Variants in FBXW7 observed in about 807,000 individuals in gnomAD.
FBXW7 encodes F-box/WD repeat-containing protein 7.
In FBXW7, 11 loss-of-function variants were observed where a neutral mutation model predicts 86.3. The observed-to-expected ratio is 0.13, with a 90% CI of 0.08 to 0.21. FBXW7 has a LOEUF of 0.21. Ranked by LOEUF, FBXW7 falls within the 10% of genes least tolerant of loss-of-function variation. The pLI is 1.00. For synonymous variants in FBXW7, 313 were observed against 297.9 expected, an observed-to-expected ratio of 1.05 and a Z score of -0.52; for missense variants, 488 against 847.4, an observed-to-expected ratio of 0.58 and a Z score of 5.27.
chr4:152,445,856 G>C lies in FBXW7; in HGVS notation c.-119-33327C>G, dbSNP rs762185264. Among the ~76,000 whole-genome samples the C allele has an allele frequency of 7.0e-5, 10 of 142,876 alleles. No homozygotes were observed. In the South Asian group the frequency reaches 1.8e-3, roughly 26 times the overall value. The allele number at this position is 142,876 out of a possible 152,430, so 93.7% of individuals were successfully genotyped here. On this transcript the variant is annotated intron_variant, in intron 2 of 13. Coordinates refer to ENST00000281708, the MANE Select transcript of FBXW7 (RefSeq NM_001349798.2). Reference sequence around the variant, plus strand: ...ACCTAGGAGGCAGAGGTTGCAGTGAGCCAAGATCGCGCCACTGTACTCCAA... The same window carrying C: ...ACCTAGGAGGCAGAGGTTGCAGTGACCCAAGATCGCGCCACTGTACTCCAA...
At chr4:152,416,200 G>T (rs1461528554) in intron 2 of FBXW7, among the ~76,000 whole-genome samples, 1 of 152,084 alleles carries the variant, frequency 6.6e-6, no homozygotes, top group Non-Finnish European at 1.5e-5. Flanking sequence ...ATAATTATCA[G>T]ATCTTTTTAA....
intron 4 of FBXW7, among the ~76,000 whole-genome samples, chr4:152,401,841 TA>T (rs927681036): frequency 6.6e-6 from 1 of 152,134 alleles, no homozygotes; most frequent in African/African-American, 2.4e-5. Flanking sequence ...ATCTAAAAAT[TA>T]AAGCTTGTTA....
At chr4:152,391,310 C>T (rs1295934967) in intron 4 of FBXW7, among the ~76,000 whole-genome samples, 1 of 151,812 alleles carries the variant, frequency 6.6e-6, no homozygotes, top group Non-Finnish European at 1.5e-5. Flanking sequence ...TTTACGCTGT[C>T]AATATTACAT....
chr4:152,502,803 G>T (rs1401785512), intron 2 of FBXW7, among the ~76,000 whole-genome samples: 1 of 151,962 alleles, frequency 6.6e-6, no homozygotes, highest in African/African-American at 2.4e-5. Flanking sequence ...CTATTTCTTG[G>T]GTTTTAAAGT....
chr4:152,388,269 C>A (rs1229341119), intron 4 of FBXW7, among the ~76,000 whole-genome samples: 1 of 152,074 alleles, frequency 6.6e-6, no homozygotes, highest in Non-Finnish European at 1.5e-5. Flanking sequence ...TTCATTTGGG[C>A]AACAAGGGCG....
chr4:152,347,197 TC>T, intron 5 of FBXW7, 126 bp from the exon 6 acceptor site: 1 of 795,062 alleles, frequency 1.3e-6, no homozygotes, highest in Non-Finnish European at 1.9e-6. Context: ...ATTTCAAACA[TC>T]AATTAATTAC....
In FBXW7 at chr4:152,328,192, C is replaced by G. The variant is rs748134042; in HGVS notation, c.1418+16G>C. 1.3e-6 allele frequency: 2 copies of G among 1,577,164 alleles called. No individual in the cohort carries two copies. The highest frequency in any genetic ancestry group is 1.7e-6 in the Non-Finnish European group (2 of 1,165,136). ...ATAGAGGAAGAAGTCCCAACCATGA[C>G]AAGATTTTCCCTTACCTTTTTTCAT... On this transcript the variant is annotated intron_variant, in intron 11 of 13. Transcript: ENST00000281708.
chr4:152,379,635 T>G (rs1734871520), intron 4 of FBXW7, among the ~76,000 whole-genome samples: 1 of 152,102 alleles, frequency 6.6e-6, no homozygotes, highest in Middle Eastern at 3.2e-3. Context: ...CCTCCTACCT[T>G]GGCCCCCAAA....
intron 4 of FBXW7, among the ~76,000 whole-genome samples, chr4:152,401,139 T>TA (rs1233065723): frequency 6.6e-6 from 1 of 152,212 alleles, no homozygotes; most frequent in African/African-American, 2.4e-5. Context: ...GGCAGTTTCT[T>TA]ACAAAATTAA....
At chr4:152,342,196 A>T (rs1033205665) in intron 6 of FBXW7, among the ~76,000 whole-genome samples, 1 of 152,198 alleles carries the variant, frequency 6.6e-6, no homozygotes, top group Non-Finnish European at 1.5e-5. Flanking sequence ...TCCCCATGGA[A>T]GTGGTGTTTT....
At chr4:152,453,597 C>T (rs543196273) in intron 2 of FBXW7, among the ~76,000 whole-genome samples, 2 of 152,042 alleles carry the variant, frequency 1.3e-5, no homozygotes, top group South Asian at 2.1e-4. Flanking sequence ...TTCTAGTAAA[C>T]GGTGGCAGCA....
chr4:152,356,232 G>A (rs1732374334), intron 4 of FBXW7, among the ~76,000 whole-genome samples: 1 of 151,536 alleles, frequency 6.6e-6, no homozygotes, highest in Non-Finnish European at 1.5e-5. Context: ...TTATTTCTAG[G>A]GCATCCAGAA....
At chr4:152,506,858 C>T (rs1747470468) in intron 2 of FBXW7, among the ~76,000 whole-genome samples, 1 of 152,206 alleles carries the variant, frequency 6.6e-6, no homozygotes, top group Non-Finnish European at 1.5e-5. Flanking sequence ...GGGGACCACA[C>T]TTTGAGAACC....
chr4:152,343,573 C>T (rs1410212594), intron 6 of FBXW7, among the ~76,000 whole-genome samples: 1 of 152,086 alleles, frequency 6.6e-6, no homozygotes, highest in Non-Finnish European at 1.5e-5. Context: ...AAGAACTTGT[C>T]CTTCTATGTC....
intron 2 of FBXW7, among the ~76,000 whole-genome samples, chr4:152,480,001 T>C (rs191256001): frequency 6.6e-6 from 1 of 152,308 alleles, no homozygotes; most frequent in African/African-American, 2.4e-5. Flanking sequence ...TTTCTTCTTA[T>C]CTCTCTGGAC....
At chr4:152,454,260 C>CT (rs906909485) in intron 2 of FBXW7, among the ~76,000 whole-genome samples, 20 of 131,424 alleles carry the variant, frequency 1.5e-4, no homozygotes, top group African/African-American at 5.2e-4. Context: ...AGCCCCCCCC[C>CT]CCTTTTTTTT....
intron 2 of FBXW7, among the ~76,000 whole-genome samples, chr4:152,486,658 G>C (rs781670614): frequency 2.0e-5 from 3 of 151,408 alleles, no homozygotes; most frequent in Non-Finnish European, 4.4e-5. Context: ...TGTCTCTGGA[G>C]TACGTCCTGA....
chr4:152,481,553 T>C (rs1218300355), intron 2 of FBXW7, among the ~76,000 whole-genome samples: 1 of 152,238 alleles, frequency 6.6e-6, no homozygotes, highest in African/African-American at 2.4e-5. Context: ...ATTCCTCTGA[T>C]AGATGTGGGC....
intron 2 of FBXW7, among the ~76,000 whole-genome samples, chr4:152,499,081 G>A (rs1000491976): frequency 1.3e-5 from 2 of 152,154 alleles, no homozygotes; most frequent in African/African-American, 4.8e-5. Flanking sequence ...TCCACTTGGA[G>A]ATATGATGCC....
Sources: allele counts gnomAD v4.1 joint callset (sites outside exome capture counted in the v4.1 genomes callset), GRCh38; gene constraint gnomAD v4.1.1; transcripts MANE v1.5; gene names NCBI Gene and HGNC (gene_info 2026-07-23, HGNC 2026-07-21).